Variants in WWOX observed in about 807,000 individuals in gnomAD.
WWOX encodes WW domain-containing oxidoreductase.
WWOX carries 69 observed loss-of-function variants against 46.2 expected under a neutral mutation model. The ratio of observed to expected loss-of-function variants is 1.49; its 90% CI spans 1.23 to 1.82. WWOX has a LOEUF of 1.82. Ranked by LOEUF, WWOX falls within the 40% of genes most tolerant of loss-of-function variation. WWOX has a pLI of 0.00. For synonymous variants in WWOX, 359 were observed against 202.6 expected (o/e 1.77, Z -6.56); for missense variants, 919 against 542.6 (o/e 1.69, Z -6.89).
At chr16:79,191,082 G>A (rs997359692) in intron 8 of WWOX, among the ~76,000 whole-genome samples, 1 of 152,070 alleles carries the variant, frequency 6.6e-6, no homozygotes, top group African/African-American at 2.4e-5. Context: ...GTCTCGCTCT[G>A]TTGCAGTGTC....
chr16:78,118,288 G>C (rs552083313), intron 4 of WWOX, among the ~76,000 whole-genome samples: 2 of 151,932 alleles, frequency 1.3e-5, no homozygotes. Context: ...CAATTGGAGG[G>C]ATTCTTAATT....
chr16:78,619,957 T>G (rs980227567), intron 8 of WWOX, among the ~76,000 whole-genome samples: 1 of 152,098 alleles, frequency 6.6e-6, no homozygotes, highest in African/African-American at 2.4e-5. Context: ...AGGCCTTATC[T>G]TTATCTGAGT....
At chr16:78,150,000 C>A (rs1279385312) in intron 4 of WWOX, among the ~76,000 whole-genome samples, 1 of 152,152 alleles carries the variant, frequency 6.6e-6, no homozygotes, top group Non-Finnish European at 1.5e-5. Flanking sequence ...AGTTTTGACA[C>A]TAACGACCCA....
chr16:78,397,344 C>A (rs1428624641), intron 6 of WWOX, among the ~76,000 whole-genome samples: 1 of 152,114 alleles, frequency 6.6e-6, no homozygotes, highest in East Asian at 1.9e-4. Context: ...TACAGCTAAG[C>A]ACTTACATAC....
chr16:78,223,492 A>AG (rs1381489992), intron 5 of WWOX, among the ~76,000 whole-genome samples: 37 of 152,030 alleles, frequency 2.4e-4, no homozygotes, highest in Non-Finnish European at 4.4e-5. Flanking sequence ...GGGATGCTTG[A>AG]GCTCCTACCA....
intron 8 of WWOX, among the ~76,000 whole-genome samples, chr16:79,166,440 T>G (rs115072861): frequency 6.6e-6 from 1 of 152,194 alleles, no homozygotes; most frequent in Admixed American, 6.5e-5. Context: ...TCCTCCCTCC[T>G]TTGTCACAGA....
intron 8 of WWOX, among the ~76,000 whole-genome samples, chr16:79,023,334 C>A (rs912994853): frequency 7.2e-5 from 11 of 152,224 alleles, no homozygotes; most frequent in African/African-American, 2.4e-4. Context: ...CAGCTTCCAG[C>A]ATCCTCTTGG....
At chr16:78,592,123 A>G (rs2045366462) in intron 8 of WWOX, among the ~76,000 whole-genome samples, 1 of 152,242 alleles carries the variant, frequency 6.6e-6, no homozygotes, top group Non-Finnish European at 1.5e-5. Flanking sequence ...ATTACAATAT[A>G]TGATGTGCAT....
At chr16:78,195,421 G>A (rs572803532) in intron 5 of WWOX, among the ~76,000 whole-genome samples, 7 of 152,212 alleles carry the variant, frequency 4.6e-5, no homozygotes, top group South Asian at 2.1e-4. Context: ...GATGGCTTCC[G>A]AATGAACTCA....
At chr16:79,166,058 C>T (rs991511960) in intron 8 of WWOX, among the ~76,000 whole-genome samples, 2 of 152,178 alleles carry the variant, frequency 1.3e-5, no homozygotes, top group South Asian at 4.1e-4. Context: ...AAAAAGGCTG[C>T]GTCCCAGCAG....
intron 8 of WWOX, among the ~76,000 whole-genome samples, chr16:78,943,075 A>G (rs2045882780): frequency 6.6e-6 from 1 of 152,132 alleles, no homozygotes; most frequent in Non-Finnish European, 1.5e-5. Flanking sequence ...AAGGGCAATG[A>G]CGGCAACTAT....
At chr16:78,720,510 C>T (rs1258816121) in intron 8 of WWOX, among the ~76,000 whole-genome samples, 1 of 148,456 alleles carries the variant, frequency 6.7e-6, no homozygotes, top group Non-Finnish European at 1.5e-5. Flanking sequence ...TGGAAAAAAT[C>T]CTTAGGACCC....
chr16:78,417,185 A>G (rs1207664014), intron 6 of WWOX, among the ~76,000 whole-genome samples: 16 of 151,976 alleles, frequency 1.1e-4, no homozygotes, highest in Admixed American at 1.0e-3. Context: ...AGATCCTCCC[A>G]CCTCAGCTTC....
chr16:78,387,439 C>G (rs571145121), intron 6 of WWOX, among the ~76,000 whole-genome samples: 2 of 150,808 alleles, frequency 1.3e-5, no homozygotes, highest in Admixed American at 6.6e-5. Flanking sequence ...ACTCACATTC[C>G]TTTTATTTAT....
intron 8 of WWOX, among the ~76,000 whole-genome samples, chr16:78,798,360 G>A (rs544439930): frequency 6.6e-6 from 1 of 152,248 alleles, no homozygotes; most frequent in East Asian, 1.9e-4. Context: ...GAGGTCAGAT[G>A]TCAAAAAAGC....
Position 78,926,541 on chromosome 16 carries a change from G to C in WWOX, c.1057-285067G>C, listed in dbSNP as rs141104663. On this transcript the variant is annotated intron_variant, in intron 8 of 8. Coordinates refer to ENST00000566780, the MANE Select transcript of WWOX (RefSeq NM_016373.4). ...CGAAGTCGCAGCCATTTAAAAACTT[G>C]TTTTCAGTCATTTTGCAGAAAGCAG... 2.9e-3 allele frequency among the ~76,000 whole-genome samples: 445 copies of C among 152,274 alleles called. 1 individual carries two copies. Among genetic ancestry groups the C allele is most frequent in the African/African-American group, 0.01 (430 of 41,542 alleles).
intron 8 of WWOX, among the ~76,000 whole-genome samples, chr16:78,537,388 G>T (rs898840482): frequency 6.6e-6 from 1 of 152,158 alleles, no homozygotes. Flanking sequence ...CCTAAATCAC[G>T]TGTCTTCTAA....
At chr16:78,428,908 A>G (rs1212347760) in intron 7 of WWOX, among the ~76,000 whole-genome samples, 1 of 152,200 alleles carries the variant, frequency 6.6e-6, no homozygotes, top group Non-Finnish European at 1.5e-5. Flanking sequence ...TTAATGGAAA[A>G]CATAGAAGAG....
At chr16:78,367,002 C>T (rs926230325) in intron 5 of WWOX, among the ~76,000 whole-genome samples, 1 of 102,926 alleles carries the variant, frequency 9.7e-6, no homozygotes, top group East Asian at 3.3e-4. Context: ...TTTTTTAAGA[C>T]GTAGTCTTGC....
Sources: allele counts gnomAD v4.1 joint callset (sites outside exome capture counted in the v4.1 genomes callset), GRCh38; gene constraint gnomAD v4.1.1; transcripts MANE v1.5; gene names NCBI Gene and HGNC (gene_info 2026-07-23, HGNC 2026-07-21).